Variants in BCKDHB observed in about 807,000 individuals in gnomAD.
The protein encoded by BCKDHB is branched chain keto acid dehydrogenase E1 subunit beta, also known as 2-oxoisovalerate dehydrogenase subunit beta, mitochondrial.
In BCKDHB, 41 loss-of-function variants were observed where a neutral mutation model predicts 48.5. That is an observed-to-expected ratio of 0.85 (90% CI 0.66 to 1.10). The LOEUF (loss-of-function observed/expected upper bound fraction) is 1.10, where lower values mean the gene tolerates loss of function less well. BCKDHB is among the 50% of genes least tolerant of loss of function. The probability of loss-of-function intolerance (pLI) is 0.00; values close to 1 mark genes in which losing one functional copy is unlikely to be tolerated. For synonymous variants in BCKDHB, 201 were observed against 174.8 expected (o/e 1.15, Z -1.18); for missense variants, 496 against 494.2 (o/e 1.00, Z -0.03).
chr6:80,252,146 G>A (rs138148629), intron 8 of BCKDHB, among the ~76,000 whole-genome samples: 247 of 152,268 alleles, frequency 1.6e-3, no homozygotes, highest in African/African-American at 5.7e-3. Flanking sequence ...TAAGTAAGTT[G>A]CCCATGTTCA....
At chr6:80,398,326 C>G in the BCKDHB span, among the ~76,000 whole-genome samples, 1 of 151,896 alleles carries the variant, frequency 6.6e-6, no homozygotes, top group African/African-American at 2.4e-5. Flanking sequence ...AGATAGACTG[C>G]TAGCTAGACT....
At chr6:80,252,027 C>T (rs1054698395) in intron 8 of BCKDHB, among the ~76,000 whole-genome samples, 1 of 152,172 alleles carries the variant, frequency 6.6e-6, no homozygotes, top group Admixed American at 6.6e-5. Context: ...GTAGGCATTA[C>T]GTTGAGAGCT....
chr6:80,277,702 C>T (rs1582489546), intron 9 of BCKDHB, among the ~76,000 whole-genome samples: 2 of 148,178 alleles, frequency 1.3e-5, no homozygotes, highest in Non-Finnish European at 3.0e-5. Context: ...AATAAGTCTG[C>T]AATAAAGAGT....
intron 3 of BCKDHB, among the ~76,000 whole-genome samples, chr6:80,149,249 G>T (rs1015010938): frequency 2.0e-5 from 3 of 152,162 alleles, no homozygotes; most frequent in Non-Finnish European, 2.9e-5. Context: ...TCAGAGGAAT[G>T]CAAATCAAAA....
chr6:80,345,067 A>G lies in BCKDHB; in HGVS notation c.*1263A>G, dbSNP rs1770135226. ...TTAACAAGTGAATATTTTTTACATA[A>G]TGGATAATAAATGGTATTTATTCAT... On this transcript the variant is annotated 3_prime_UTR_variant, in exon 10 of 10. Transcript: ENST00000320393. 1 of 152,212 alleles carries G rather than the reference A, an allele frequency of 6.6e-6. No homozygotes were observed. The highest frequency in any genetic ancestry group is 6.5e-5 in the Admixed American group (1 of 15,290). The allele number at this position is 152,212 out of a possible 1,614,324, so 9.4% of individuals were successfully genotyped here.
intron 9 of BCKDHB, among the ~76,000 whole-genome samples, chr6:80,311,646 G>A (rs1439516350): frequency 6.6e-6 from 1 of 152,116 alleles, no homozygotes; most frequent in African/African-American, 2.4e-5. Context: ...TTCTGCATAC[G>A]ATTAGCCAGT....
At chr6:80,406,110 A>C in the BCKDHB span, among the ~76,000 whole-genome samples, 3 of 152,134 alleles carry the variant, frequency 2.0e-5, no homozygotes, top group Non-Finnish European at 4.4e-5. Flanking sequence ...TTTGCTGAGA[A>C]TGATGGTTTC....
chr6:80,301,549 T>C (rs1276599916), intron 9 of BCKDHB, among the ~76,000 whole-genome samples: 1 of 152,028 alleles, frequency 6.6e-6, no homozygotes, highest in Non-Finnish European at 1.5e-5. Flanking sequence ...ATGAACCAGA[T>C]AGATTCACAG....
In BCKDHB at chr6:80,344,222, T is replaced by G; in HGVS notation, c.*418T>G. Reference sequence around the variant, plus strand: ...GTGTCACTATGTTGGCTCAGCTGATTTCAAATTCCTGACCTCAAGTGATCC... The same window carrying G: ...GTGTCACTATGTTGGCTCAGCTGATGTCAAATTCCTGACCTCAAGTGATCC... On this transcript the variant is annotated 3_prime_UTR_variant, in exon 10 of 10. Coordinates refer to ENST00000320393, the MANE Select transcript of BCKDHB (RefSeq NM_183050.4). The G allele has an allele frequency of 3.8e-6, 1 of 265,670 alleles. No individual in the cohort carries two copies. The highest frequency in any genetic ancestry group is 7.3e-6 in the Non-Finnish European group (1 of 136,096). The allele number at this position is 265,670 out of a possible 1,614,324, so 16.5% of individuals were successfully genotyped here. A position where few individuals can be genotyped will look rare whatever the true frequency, so the allele number is the denominator to read the frequency against.
At chr6:80,162,597 T>C (rs1339248546) in intron 3 of BCKDHB, among the ~76,000 whole-genome samples, 1 of 152,204 alleles carries the variant, frequency 6.6e-6, no homozygotes, top group African/African-American at 2.4e-5. Context: ...ACGCCTGTAA[T>C]CCCAGCACTT....
chr6:80,293,641 G>A (rs1352937364), intron 9 of BCKDHB, among the ~76,000 whole-genome samples: 1 of 152,106 alleles, frequency 6.6e-6, no homozygotes, highest in Non-Finnish European at 1.5e-5. Context: ...TCTGCAGCTG[G>A]CTTGAATTTC....
intron 1 of BCKDHB, among the ~76,000 whole-genome samples, chr6:80,107,545 A>ATATATATATTTGCG (rs1562050688): frequency 8.2e-6 from 1 of 121,972 alleles, no homozygotes; most frequent in Admixed American, 7.8e-5. Flanking sequence ...ATATATATGC[A>ATATATATATTTGCG]CACATATATA....
At chr6:80,285,171 C>G (rs964697036) in intron 9 of BCKDHB, among the ~76,000 whole-genome samples, 2 of 152,078 alleles carry the variant, frequency 1.3e-5, no homozygotes, top group African/African-American at 4.8e-5. Context: ...AGAGTTCTAC[C>G]TAAGTGTACA....
chr6:80,445,019 A>G, the BCKDHB span, among the ~76,000 whole-genome samples: 1 of 152,316 alleles, frequency 6.6e-6, no homozygotes, highest in African/African-American at 2.4e-5. Flanking sequence ...AATTGCCTAA[A>G]ACAATCTTTT....
At chr6:80,211,898 A>G (rs1463382387) in intron 8 of BCKDHB, among the ~76,000 whole-genome samples, 1 of 152,150 alleles carries the variant, frequency 6.6e-6, no homozygotes, top group Non-Finnish European at 1.5e-5. Flanking sequence ...TTTATTTATT[A>G]AGGGCTTCAA....
At chr6:80,372,505 G>A in the BCKDHB span, among the ~76,000 whole-genome samples, 1 of 152,088 alleles carries the variant, frequency 6.6e-6, no homozygotes, top group Non-Finnish European at 1.5e-5. Flanking sequence ...AGTGGTGAAA[G>A]TGGGCATCCT....
chr6:80,160,243 G>C (rs925331993), intron 3 of BCKDHB, among the ~76,000 whole-genome samples: 6 of 149,334 alleles, frequency 4.0e-5, no homozygotes, highest in Admixed American at 3.3e-4. Flanking sequence ...TGCAGCCTCT[G>C]CCTCCTGGGT....
intron 9 of BCKDHB, among the ~76,000 whole-genome samples, chr6:80,329,484 G>C (rs1423975091): frequency 6.6e-6 from 1 of 152,028 alleles, no homozygotes; most frequent in African/African-American, 2.4e-5. Flanking sequence ...ATAAAATATA[G>C]CCATGTAAAG....
intron 4 of BCKDHB, among the ~76,000 whole-genome samples, chr6:80,168,417 G>GGAGA (rs1222831668): frequency 1.6e-5 from 2 of 127,582 alleles, no homozygotes; most frequent in African/African-American, 5.8e-5. Flanking sequence ...AGGGAGGGAG[G>GGAGA]GAGGGAAGGA....
Sources: allele counts gnomAD v4.1 joint callset (sites outside exome capture counted in the v4.1 genomes callset), GRCh38; gene constraint gnomAD v4.1.1; transcripts MANE v1.5; gene names NCBI Gene and HGNC (gene_info 2026-07-23, HGNC 2026-07-21).